GAN: variants seen among roughly 807,000 people sequenced by gnomAD.
The protein encoded by GAN is epididymis secretory sperm binding protein.
Under a neutral mutation model 71.3 loss-of-function variants are expected in GAN, and 48 were observed. That is an observed-to-expected ratio of 0.67 (90% CI 0.53 to 0.86). GAN has a LOEUF of 0.86. Ranked by LOEUF, GAN falls within the 40% of genes least tolerant of loss-of-function variation. The pLI, the probability that GAN is intolerant of heterozygous loss-of-function variation, is 0.00. For synonymous variants in GAN, 386 were observed against 276.8 expected (o/e 1.39, Z -3.92); for missense variants, 928 against 770.1 (o/e 1.21, Z -2.43).
intron 1 of GAN, among the ~76,000 whole-genome samples, chr16:81,334,154 G>A (rs1182826681): frequency 6.6e-6 from 1 of 152,196 alleles, no homozygotes; most frequent in African/African-American, 2.4e-5. Flanking sequence ...GCAGAGCAAA[G>A]CTAAATACAA....
At chr16:81,376,654 G>GTA (rs1904282140) in intron 9 of GAN, among the ~76,000 whole-genome samples, 1 of 150,370 alleles carries the variant, frequency 6.7e-6, no homozygotes, top group African/African-American at 2.5e-5. Context: ...ATATATGTGT[G>GTA]TATATATGTG....
At position 81,385,875 on chromosome 16, in the gene GAN, A is replaced by G. The variant is rs1233357506; in HGVS notation, c.*8279A>G. 3 of 147,430 alleles carry G rather than the reference A, an allele frequency of 2.0e-5. No individual in the cohort carries two copies. Among genetic ancestry groups the G allele is most frequent in the Non-Finnish European group, 4.4e-5 (3 of 67,500 alleles). The allele number at this position is 147,430 out of a possible 1,614,324, so 9.1% of individuals were successfully genotyped here. On this transcript the variant is annotated 3_prime_UTR_variant, in exon 11 of 11. Coordinates refer to ENST00000648994, the MANE Select transcript of GAN (RefSeq NM_022041.4). ...AGGGATCCTCCTGCCTCGGCCTGCCAAGTAGCTGGGACTACAAGTGCACAC... is the reference window on the plus strand; with the variant it reads ...AGGGATCCTCCTGCCTCGGCCTGCCGAGTAGCTGGGACTACAAGTGCACAC...
At chr16:81,337,846 G>T (rs557418225) in intron 1 of GAN, among the ~76,000 whole-genome samples, 1 of 152,280 alleles carries the variant, frequency 6.6e-6, no homozygotes, top group South Asian at 2.1e-4. Flanking sequence ...GGGTGCTTGG[G>T]AGAAAAATAA....
rs145299219 is a variant in GAN at position 81,359,618 on chromosome 16, C to G, written c.973+1687C>G. Among the ~76,000 whole-genome samples the G allele has an allele frequency of 4.2e-4, 64 of 152,192 alleles. 1 individual carries two copies. In the East Asian group the frequency reaches 0.011, roughly 25 times the overall value. On this transcript the variant is annotated intron_variant, in intron 5 of 10. Transcript: ENST00000648994. ...AGAGTTTTTCTTCATTTTCCATTTT[C>G]CATACTCTTACAGTTTTAAAATGCA...
intron 2 of GAN, among the ~76,000 whole-genome samples, chr16:81,353,037 A>G (rs1910351233): frequency 6.6e-6 from 1 of 152,132 alleles, no homozygotes; most frequent in African/African-American, 2.4e-5. Context: ...CACGCCTGTA[A>G]TCCCAGCACT....
chr16:81,353,747 C>G (rs942653034), intron 2 of GAN, among the ~76,000 whole-genome samples: 6 of 150,478 alleles, frequency 4.0e-5, no homozygotes, highest in Non-Finnish European at 8.9e-5. Flanking sequence ...AAGCATTAGT[C>G]AGAAAATTGA....
At chr16:81,359,913 A>G (rs1910615973) in intron 5 of GAN, among the ~76,000 whole-genome samples, 1 of 152,180 alleles carries the variant, frequency 6.6e-6, no homozygotes, top group Admixed American at 6.5e-5. Flanking sequence ...GAACTCACCT[A>G]TTTTCGGACT....
intron 2 of GAN, among the ~76,000 whole-genome samples, chr16:81,353,640 C>T (rs1910381299): frequency 6.6e-6 from 1 of 152,166 alleles, no homozygotes; most frequent in African/African-American, 2.4e-5. Context: ...GGGTGAAGTG[C>T]CCATGCTTTG....
chr16:81,350,922 C>G (rs1402372721), intron 1 of GAN, among the ~76,000 whole-genome samples: 2 of 152,160 alleles, frequency 1.3e-5, no homozygotes, highest in African/African-American at 2.4e-5. Flanking sequence ...TGCCCATCAA[C>G]AGGAAAATGG....
intron 9 of GAN, among the ~76,000 whole-genome samples, chr16:81,373,323 C>G (rs1911092439): frequency 6.6e-6 from 1 of 152,180 alleles, no homozygotes; most frequent in South Asian, 2.1e-4. Context: ...CTCCTGAAGT[C>G]CACTGTGACC....
At position 81,315,124 on chromosome 16, in the gene GAN, G is replaced by T; in HGVS notation, c.11G>T (p.Gly4Val). ...GGAGCGGGCGCCGCGATGGCTGAGGGCAGTGCCGTGTCTGACCCTCAGCAC... is the reference window on the plus strand; with the variant it reads ...GGAGCGGGCGCCGCGATGGCTGAGGTCAGTGCCGTGTCTGACCCTCAGCAC... Reference protein sequence around the residue: MAEGSAVSDPQHAA... With the variant: MAEVSAVSDPQHAA... Residue 4 changes from glycine (G) to valine (V), a missense_variant, in exon 1 of 11, where the codon GGC becomes GTC. By Grantham distance (109) the Gly-to-Val change is moderately radical. Coordinates refer to ENST00000648994, the MANE Select transcript of GAN (RefSeq NM_022041.4). 1 of 1,515,726 alleles carries T rather than the reference G, an allele frequency of 6.6e-7. No homozygotes were observed. The highest frequency in any genetic ancestry group is 1.2e-5 in the South Asian group (1 of 80,568). 93.9% of individuals were successfully genotyped at this position (1,515,726 alleles called of 1,614,324 possible).
intron 9 of GAN, among the ~76,000 whole-genome samples, chr16:81,366,142 A>AT (rs1910849985): frequency 6.6e-6 from 1 of 152,038 alleles, no homozygotes; most frequent in Non-Finnish European, 1.5e-5. Flanking sequence ...TCCTAGTCTG[A>AT]TTTTTTATCC....
At chr16:81,354,365 G>A (rs117009369) in intron 2 of GAN, 40 bp from the exon 3 acceptor site, 1 of 1,305,174 alleles carries the variant, frequency 7.7e-7, no homozygotes. Context: ...GGTTTTAAAT[G>A]TACACATTCA....
chr16:81,377,100 C>T (rs1171781125), intron 9 of GAN, 119 bp from the exon 10 acceptor site: 8 of 781,510 alleles, frequency 1.0e-5, no homozygotes, highest in Admixed American at 3.4e-5. Context: ...AACGTGGGGT[C>T]GAGATTGGCA....
rs1904371138 is a variant in GAN at position 81,385,436 on chromosome 16, A to T, written c.*7840A>T. On this transcript the variant is annotated 3_prime_UTR_variant, in exon 11 of 11. Transcript: ENST00000648994. Reference sequence around the variant, plus strand: ...ATCTGGGCTTGGGGGCTTCTGCCACACTTACTACTCTGTGACTTGGGAAGC... The same window carrying T: ...ATCTGGGCTTGGGGGCTTCTGCCACTCTTACTACTCTGTGACTTGGGAAGC... 1.3e-5 allele frequency: 2 copies of T among 152,206 alleles called. No homozygotes were observed. The highest frequency in any genetic ancestry group is 2.4e-5 in the African/African-American group (1 of 41,442). 9.4% of individuals were successfully genotyped at this position (152,206 alleles called of 1,614,324 possible). A position where few individuals can be genotyped will look rare whatever the true frequency, so the allele number is the denominator to read the frequency against.
chr16:81,369,783 C>T (rs1397849322), intron 9 of GAN, among the ~76,000 whole-genome samples: 1 of 152,088 alleles, frequency 6.6e-6, no homozygotes, highest in Non-Finnish European at 1.5e-5. Context: ...AGGGTTTCAC[C>T]GTGGTCTCGA....
chr16:81,352,933 G>A, intron 2 of GAN, among the ~76,000 whole-genome samples: 1 of 152,180 alleles, frequency 6.6e-6, no homozygotes, highest in East Asian at 1.9e-4. Context: ...GTTCAGGCTT[G>A]GATTTGAAAG....
intron 9 of GAN, among the ~76,000 whole-genome samples, chr16:81,370,845 G>T (rs1234374767): frequency 6.6e-6 from 1 of 152,074 alleles, no homozygotes; most frequent in African/African-American, 2.4e-5. Flanking sequence ...ACTTACTTTG[G>T]GTTTCTTTTA....
At chr16:81,352,779 A>G (rs1334377744) in intron 2 of GAN, among the ~76,000 whole-genome samples, 1 of 152,140 alleles carries the variant, frequency 6.6e-6, no homozygotes, top group Non-Finnish European at 1.5e-5. Context: ...AAGTAAATGA[A>G]TTTAAGTTAA....
Sources: allele counts gnomAD v4.1 joint callset (sites outside exome capture counted in the v4.1 genomes callset), GRCh38; gene constraint gnomAD v4.1.1; transcripts MANE v1.5; gene names NCBI Gene and HGNC (gene_info 2026-07-23, HGNC 2026-07-21).